Variants in MAF observed in about 807,000 individuals in gnomAD.
MAF encodes the protein transcription factor Maf.
Under a neutral mutation model 22.0 loss-of-function variants are expected in MAF, and 10 were observed. The ratio of observed to expected loss-of-function variants is 0.45; its 90% CI spans 0.28 to 0.77. The LOEUF (loss-of-function observed/expected upper bound fraction) is 0.77. MAF is among the 30% of genes least tolerant of loss of function. The probability of loss-of-function intolerance (pLI) is 0.12; values close to 1 mark genes in which losing one functional copy is unlikely to be tolerated. For missense variants in MAF, 544 were observed against 548.4 expected (o/e 0.99, Z 0.08); for synonymous variants, 337 against 255.8 (o/e 1.32, Z -3.03).
At chr16:79,561,149 G>C in the MAF span, among the ~76,000 whole-genome samples, 7 of 152,042 alleles carry the variant, frequency 4.6e-5, no homozygotes, top group African/African-American at 1.7e-4. Flanking sequence ...TGGGCTCATG[G>C]GCACACATTT....
At chr16:79,211,459 C>A in the MAF span, 3 of 962,158 alleles carry the variant, frequency 3.1e-6, no homozygotes, top group Non-Finnish European at 4.8e-6. Context: ...CAGTCATGTG[C>A]TTTCAGCCCA....
At chr16:79,215,439 G>A in the MAF span, among the ~76,000 whole-genome samples, 1 of 152,142 alleles carries the variant, frequency 6.6e-6, no homozygotes, top group Non-Finnish European at 1.5e-5. Flanking sequence ...CAAGCATTTG[G>A]TGGAAGTGAA....
At chr16:79,371,760 C>A in the MAF span, among the ~76,000 whole-genome samples, 1 of 152,200 alleles carries the variant, frequency 6.6e-6, no homozygotes, top group African/African-American at 2.4e-5. Flanking sequence ...GTGCTTGGCC[C>A]ACCACCGTTC....
the MAF span, among the ~76,000 whole-genome samples, chr16:79,557,023 G>T: frequency 6.7e-6 from 1 of 150,232 alleles, no homozygotes; most frequent in Non-Finnish European, 1.5e-5. Flanking sequence ...TTGCTATGTT[G>T]CCCAGGCTAC....
chr16:79,466,731 A>G, the MAF span, among the ~76,000 whole-genome samples: 1 of 152,390 alleles, frequency 6.6e-6, no homozygotes, highest in Admixed American at 6.5e-5. Context: ...TTGGAATCTT[A>G]GAAGACCACC....
At chr16:79,225,826 G>A in the MAF span, among the ~76,000 whole-genome samples, 8 of 152,168 alleles carry the variant, frequency 5.3e-5, no homozygotes, top group African/African-American at 1.9e-4. Context: ...CAAACACAAT[G>A]AGATACCATC....
chr16:79,240,422 C>G, the MAF span, among the ~76,000 whole-genome samples: 2 of 142,610 alleles, frequency 1.4e-5, no homozygotes, highest in Non-Finnish European at 3.1e-5. Context: ...TAGCCAACAT[C>G]ATCTTCCCCC....
chr16:79,444,072 T>G, the MAF span, among the ~76,000 whole-genome samples: 2 of 152,316 alleles, frequency 1.3e-5, no homozygotes, highest in African/African-American at 4.8e-5. Context: ...ACCATCATTT[T>G]TGAAAGATAG....
At chr16:79,542,653 G>A in the MAF span, among the ~76,000 whole-genome samples, 2 of 152,212 alleles carry the variant, frequency 1.3e-5, no homozygotes, top group Admixed American at 1.3e-4. Flanking sequence ...TTGGCCTGGA[G>A]AATCTTGCAA....
chr16:79,325,635 C>G, the MAF span, among the ~76,000 whole-genome samples: 16 of 150,856 alleles, frequency 1.1e-4, no homozygotes, highest in African/African-American at 3.7e-4. Flanking sequence ...ACACAGAACA[C>G]ACACACACAG....
chr16:79,552,768 G>C, the MAF span, among the ~76,000 whole-genome samples: 10 of 152,130 alleles, frequency 6.6e-5, no homozygotes, highest in African/African-American at 2.4e-4. Flanking sequence ...TCTGGGAGGG[G>C]CATTTTTTTC....
chr16:79,396,234 C>T, the MAF span, among the ~76,000 whole-genome samples: 11 of 152,226 alleles, frequency 7.2e-5, no homozygotes, highest in African/African-American at 4.8e-5. Flanking sequence ...GAGGCTTGGA[C>T]GCAGAAGCCA....
At chr16:79,544,169 CTAAAA>C in the MAF span, among the ~76,000 whole-genome samples, 1 of 152,190 alleles carries the variant, frequency 6.6e-6, no homozygotes, top group Admixed American at 6.5e-5. Flanking sequence ...AGAATATACA[CTAAAA>C]TAAGAGGAGC....
chr16:79,238,251 T>G, the MAF span, among the ~76,000 whole-genome samples: 1 of 152,050 alleles, frequency 6.6e-6, no homozygotes, highest in Non-Finnish European at 1.5e-5. Flanking sequence ...GAATGCCAGC[T>G]TTTCCCAGGA....
At chr16:79,423,412 G>A in the MAF span, among the ~76,000 whole-genome samples, 1 of 152,144 alleles carries the variant, frequency 6.6e-6, no homozygotes, top group Non-Finnish European at 1.5e-5. Context: ...GGCCGTGGAG[G>A]CTATGGTGAG....
At chr16:79,516,456 A>C in the MAF span, among the ~76,000 whole-genome samples, 1 of 152,202 alleles carries the variant, frequency 6.6e-6, no homozygotes, top group East Asian at 1.9e-4. Flanking sequence ...GGTGAGTATT[A>C]TTATCCCAGG....
At chr16:79,255,983 T>C in the MAF span, among the ~76,000 whole-genome samples, 5 of 104,890 alleles carry the variant, frequency 4.8e-5, no homozygotes, top group African/African-American at 2.1e-4. Flanking sequence ...TTTTCTTTTC[T>C]TTTTTTTTTT....
chr16:79,226,321 T>A, the MAF span, among the ~76,000 whole-genome samples: 2 of 151,726 alleles, frequency 1.3e-5, no homozygotes, highest in African/African-American at 2.4e-5. Context: ...TAAGTGGGAG[T>A]TGAACATTGA....
At chr16:79,548,961 C>T in the MAF span, among the ~76,000 whole-genome samples, 2 of 152,146 alleles carry the variant, frequency 1.3e-5, no homozygotes, top group African/African-American at 4.8e-5. Flanking sequence ...GGGATGATGA[C>T]ATCTTCTACA....
Sources: allele counts gnomAD v4.1 joint callset (sites outside exome capture counted in the v4.1 genomes callset), GRCh38; gene constraint gnomAD v4.1.1; transcripts MANE v1.5; gene names NCBI Gene and HGNC (gene_info 2026-07-23, HGNC 2026-07-21).